Variants in ZSCAN2 observed in about 807,000 individuals in gnomAD.
The protein encoded by ZSCAN2 is zinc finger and SCAN domain containing 2.
ZSCAN2 carries 26 observed loss-of-function variants against 47.8 expected under a neutral mutation model. That is an observed-to-expected ratio of 0.54 (90% CI 0.40 to 0.75). The LOEUF is 0.75. Ranked by LOEUF, ZSCAN2 falls within the 30% of genes least tolerant of loss-of-function variation. ZSCAN2 has a pLI of 0.00. For missense variants in ZSCAN2, 732 were observed against 785.4 expected (o/e 0.93, Z 0.81); for synonymous variants, 305 against 288.7 (o/e 1.06, Z -0.57).
chr15:84,602,448 T>C (rs1895234723), intron 1 of ZSCAN2, among the ~76,000 whole-genome samples: 1 of 152,164 alleles, frequency 6.6e-6, no homozygotes, highest in South Asian at 2.1e-4. Context: ...ATGTTTGCTC[T>C]TGTGCCGCCA....
intron 2 of ZSCAN2, chr15:84,606,534 G>A (rs1895386423): frequency 6.2e-7 from 1 of 1,612,264 alleles, no homozygotes; most frequent in African/African-American, 1.3e-5. Context: ...TACAGCTGTA[G>A]CTGTCGTTGC....
chr15:84,619,506 T>G (rs1331402116), intron 2 of ZSCAN2, among the ~76,000 whole-genome samples: 4 of 152,200 alleles, frequency 2.6e-5, no homozygotes, highest in Non-Finnish European at 5.9e-5. Flanking sequence ...CCAGTTAACT[T>G]GCTTCTAGTC....
chr15:84,621,657 A>T lies in ZSCAN2; in HGVS notation c.1462A>T (p.Asn488Tyr). 1 of 1,613,914 alleles carries T rather than the reference A, an allele frequency of 6.2e-7. No individual in the cohort carries two copies. Among genetic ancestry groups the T allele is most frequent in the Non-Finnish European group, 8.5e-7 (1 of 1,179,970 alleles). ...TGGGGAGAGCTTCAGCTGGAGCTCC[A>T]ACCTCCTCAAGCACCAGAGGATCCA... ...TCGESFSWSS[N>Y]LLKHQRIHTG... Residue 488 changes from asparagine (N) to tyrosine (Y), a missense_variant, in exon 3 of 3, where the codon AAC (asparagine) becomes TAC (tyrosine). Physicochemically the swap from Asn to Tyr is moderately radical, Grantham distance 143 (BLOSUM62 -2). Coordinates refer to ENST00000546148, the MANE Select transcript of ZSCAN2 (RefSeq NM_181877.4). This position sits in a 1 kb window ranked among gnomAD's most constrained non-coding sequence, Gnocchi z 5.7.
chr15:84,614,005 T>TTC (rs386383634), intron 2 of ZSCAN2, among the ~76,000 whole-genome samples: 2 of 134,600 alleles, frequency 1.5e-5, no homozygotes, highest in Non-Finnish European at 3.2e-5. Context: ...TTTTTTTTTT[T>TTC]TCAGAGACAG....
At chr15:84,601,838 G>T (rs961669713) in intron 1 of ZSCAN2, 2 of 151,972 alleles carry the variant, frequency 1.3e-5, no homozygotes, top group African/African-American at 4.8e-5. Flanking sequence ...GAGCTACAGC[G>T]CTTGGGCTAA....
chr15:84,606,805 G>A, intron 2 of ZSCAN2: 2 of 1,295,100 alleles, frequency 1.5e-6, no homozygotes, highest in South Asian at 4.2e-5. Context: ...CCAGACACAT[G>A]GGTTTGTCTG....
At chr15:84,606,432 G>T in intron 2 of ZSCAN2, 1 of 986,490 alleles carries the variant, frequency 1.0e-6, no homozygotes, top group Non-Finnish European at 1.6e-6. Flanking sequence ...TCTCAGTTTT[G>T]CTTGAAGCAA....
Position 84,622,716 on chromosome 15 carries a change from T to C in ZSCAN2, c.*676T>C, listed in dbSNP as rs1895843061. On this transcript the variant is annotated 3_prime_UTR_variant, in exon 3 of 3. Transcript: ENST00000546148. The stretch of plus-strand genomic sequence containing the variant: ...AGTGTCCCAGTGTCCTTTCCATTGG[T>C]AAGAGTTGGACAGGGCCTTCAGGAA... 1 of 716,930 alleles carries C rather than the reference T, an allele frequency of 1.4e-6. No homozygotes were observed. The highest frequency in any genetic ancestry group is 1.7e-5 in the African/African-American group (1 of 57,220). The allele number at this position is 716,930 out of a possible 1,614,324, so 44.4% of individuals were successfully genotyped here. A position where few individuals can be genotyped will look rare whatever the true frequency, so the allele number is the denominator to read the frequency against.
intron 2 of ZSCAN2, among the ~76,000 whole-genome samples, chr15:84,617,156 C>T (rs1895712622): frequency 1.3e-5 from 2 of 151,428 alleles, no homozygotes. Context: ...TCTTCCATGG[C>T]CAGGCGCAGT....
intron 2 of ZSCAN2, among the ~76,000 whole-genome samples, chr15:84,615,941 C>T (rs1895681330): frequency 6.6e-6 from 1 of 152,104 alleles, no homozygotes; most frequent in Admixed American, 6.5e-5. Context: ...TCACTTTTCT[C>T]AGTAATAGTA....
chr15:84,615,879 T>C (rs1231897208), intron 2 of ZSCAN2, among the ~76,000 whole-genome samples: 1 of 152,194 alleles, frequency 6.6e-6, no homozygotes, highest in African/African-American at 2.4e-5. Flanking sequence ...CTCTGTGGTA[T>C]TCCTTTATAA....
chr15:84,607,250 C>A (rs1017560493), intron 2 of ZSCAN2, among the ~76,000 whole-genome samples: 1 of 152,144 alleles, frequency 6.6e-6, no homozygotes. Context: ...CAAACTGAAC[C>A]TGTCTTCAGC....
intron 2 of ZSCAN2, chr15:84,616,563 A>G (rs1201060970): frequency 7.7e-6 from 10 of 1,291,884 alleles, no homozygotes; most frequent in East Asian, 3.0e-5. Context: ...TGGTGCCTAC[A>G]TATTTTATCT....
At position 84,621,763 on chromosome 15, in the gene ZSCAN2, C is replaced by T. The variant is rs1372765257; in HGVS notation, c.1568C>T (p.Thr523Ile). 1 of 1,614,168 alleles carries T rather than the reference C, an allele frequency of 6.2e-7. No individual in the cohort carries two copies. The highest frequency in any genetic ancestry group is 1.7e-5 in the Admixed American group (1 of 60,022). ...QRSQLVVHQR[T>I]HTGEKPYKCL... ...TCCCAGCTCGTAGTGCACCAGCGGACCCACACGGGCGAGAAGCCCTACAAA... is the reference window on the plus strand; with the variant it reads ...TCCCAGCTCGTAGTGCACCAGCGGATCCACACGGGCGAGAAGCCCTACAAA... Residue 523 changes from threonine (T) to isoleucine (I), a missense_variant, in exon 3 of 3, where the codon ACC becomes ATC. By Grantham distance (89) the Thr-to-Ile change is moderately conservative. Transcript: ENST00000546148. This position sits in a 1 kb window ranked among gnomAD's most constrained non-coding sequence, Gnocchi z 5.7.
rs1712846439 is a variant in ZSCAN2 at position 84,620,856 on chromosome 15, C to T, written c.661C>T (p.Pro221Ser). The part of the protein sequence containing the change: ...GLQGTYLGEK[P>S]YECPQCGKTF... ...GCAGGGCACCTACCTAGGGGAGAAG[C>T]CCTACGAATGTCCCCAGTGTGGGAA... The change falls in exon 3 of 3, where the codon CCC (proline) becomes TCC (serine). Residue 221 changes from proline (P) to serine (S), a missense_variant. This residue lies in a region of ZSCAN2 where 320 missense variants were observed against 287.4 expected (regional missense o/e 1.11). Transcript: ENST00000546148. The T allele has an allele frequency of 1.9e-6, 3 of 1,614,072 alleles. No homozygotes were observed. Among genetic ancestry groups the T allele is most frequent in the African/African-American group, 2.7e-5 (2 of 74,924 alleles).
At chr15:84,607,030 C>A in intron 2 of ZSCAN2, 1 of 269,130 alleles carries the variant, frequency 3.7e-6, no homozygotes, top group Non-Finnish European at 5.7e-6. Flanking sequence ...CCTGGTTAGT[C>A]AGTGGCGGTT....
At chr15:84,610,049 A>G (rs1895499537) in intron 2 of ZSCAN2, among the ~76,000 whole-genome samples, 1 of 152,228 alleles carries the variant, frequency 6.6e-6, no homozygotes, top group Non-Finnish European at 1.5e-5. Context: ...GCCAGAGCTC[A>G]CGTGGCAAGT....
chr15:84,606,829 C>G, intron 2 of ZSCAN2: 2 of 1,248,264 alleles, frequency 1.6e-6, no homozygotes, highest in Non-Finnish European at 2.0e-6. Flanking sequence ...CTGACTTCTG[C>G]CTCTGAGATT....
intron 2 of ZSCAN2, 105 bp downstream of exon 2, chr15:84,604,438 G>A: frequency 2.1e-6 from 3 of 1,395,688 alleles, no homozygotes; most frequent in South Asian, 1.4e-5. Context: ...AGAGTGGGGG[G>A]CTAGCGCCAT....
Sources: gnomAD v4.1 joint callset for allele counts (sites outside exome capture counted in the v4.1 genomes callset) on GRCh38, gnomAD v4.1.1 for gene constraint, gnomAD v4.1.1 regional missense constraint, Gnocchi (gnomAD v3.1) non-coding constraint, MANE v1.5 for transcripts, NCBI Gene and HGNC (gene_info 2026-07-23, HGNC 2026-07-21) for gene names.